The following CDK6 variants were observed in gnomAD, a reference collection of about 807,000 sequenced individuals.
The protein encoded by CDK6 is cyclin dependent kinase 6.
A neutral mutation model predicts 37.1 loss-of-function variants in CDK6; 6 were observed. The observed-to-expected ratio is 0.16, with a 90% CI of 0.09 to 0.32. The LOEUF (loss-of-function observed/expected upper bound fraction) is 0.32. Ranked by LOEUF, CDK6 falls within the 10% of genes least tolerant of loss-of-function variation. The pLI is 1.00. For missense variants in CDK6, 224 were observed against 418.9 expected (o/e 0.53, Z 4.06); for synonymous variants, 160 against 161.3 (o/e 0.99, Z 0.06).
chr7:92,773,701 T>A (rs1799775524), intron 3 of CDK6, among the ~76,000 whole-genome samples: 1 of 152,076 alleles, frequency 6.6e-6, no homozygotes, highest in Non-Finnish European at 1.5e-5. Context: ...TGGGAAAAAA[T>A]ACAATATTAA....
rs3731382 is a variant in CDK6, at chr7:92,616,333, G to A, written c.835-1047C>T. 2.2e-3 allele frequency among the ~76,000 whole-genome samples: 333 copies of A among 152,142 alleles called. 2 individuals carry two copies. The highest frequency in any genetic ancestry group is 7.2e-3 in the African/African-American group (299 of 41,504). ...TTAGGGACCTCTCTAATATTCTATCGAAGGCTACTGACCTAGAAAAACAAA... is the reference window on the plus strand; with the variant it reads ...TTAGGGACCTCTCTAATATTCTATCAAAGGCTACTGACCTAGAAAAACAAA... On this transcript the variant is annotated intron_variant, in intron 7 of 7. Transcript: ENST00000424848.
intron 5 of CDK6, among the ~76,000 whole-genome samples, chr7:92,644,719 G>T (rs1796401356): frequency 6.6e-6 from 1 of 152,166 alleles, no homozygotes; most frequent in African/African-American, 2.4e-5. Flanking sequence ...ATTGGAGCAG[G>T]TATTCCACTG....
At chr7:92,706,873 G>A (rs1317109668) in intron 4 of CDK6, among the ~76,000 whole-genome samples, 1 of 152,210 alleles carries the variant, frequency 6.6e-6, no homozygotes, top group East Asian at 1.9e-4. Flanking sequence ...ATAGATACGT[G>A]TGTAGCCTTG....
rs1324118138 is a variant in CDK6 at position 92,607,131 on chromosome 7, C to T, written c.*8009G>A. ...CGTTCTGGAAGCCTCAAGGCACAAGCTGACAGTTCTGCTTCTACAGAAAAA... is the reference window on the plus strand; with the variant it reads ...CGTTCTGGAAGCCTCAAGGCACAAGTTGACAGTTCTGCTTCTACAGAAAAA... On this transcript the variant is annotated 3_prime_UTR_variant, in exon 8 of 8. Transcript: ENST00000424848. 4.3e-6 allele frequency: 1 copy of T among 233,554 alleles called. No individual in the cohort carries two copies. Among genetic ancestry groups the T allele is most frequent in the African/African-American group, 2.2e-5 (1 of 45,340 alleles). 14.5% of individuals were successfully genotyped at this position (233,554 alleles called of 1,614,324 possible).
intron 5 of CDK6, among the ~76,000 whole-genome samples, chr7:92,632,731 G>A (rs1341823418): frequency 6.6e-6 from 1 of 151,836 alleles, no homozygotes; most frequent in Non-Finnish European, 1.5e-5. Context: ...AACATCTCAT[G>A]TACCCCATAT....
intron 3 of CDK6, among the ~76,000 whole-genome samples, chr7:92,745,450 ACT>A (rs1253788052): frequency 1.3e-5 from 2 of 152,080 alleles, no homozygotes; most frequent in Non-Finnish European, 2.9e-5. Context: ...CCATTGAGTA[ACT>A]CTGCAAGTTT....
chr7:92,622,805 A>G (rs560322413), intron 6 of CDK6, among the ~76,000 whole-genome samples: 1 of 151,926 alleles, frequency 6.6e-6, no homozygotes, highest in South Asian at 2.1e-4. Context: ...AGGAGCAGCA[A>G]AAAGATCCAC....
At chr7:92,817,827 G>C (rs1310525580) in intron 2 of CDK6, among the ~76,000 whole-genome samples, 2 of 151,776 alleles carry the variant, frequency 1.3e-5, no homozygotes, top group Non-Finnish European at 2.9e-5. Flanking sequence ...ATACAAAAAA[G>C]ACTATAGCTC....
At chr7:92,678,398 A>T (rs910099360) in intron 4 of CDK6, among the ~76,000 whole-genome samples, 7 of 151,780 alleles carry the variant, frequency 4.6e-5, no homozygotes, top group African/African-American at 1.5e-4. Flanking sequence ...CAGCCTCTAG[A>T]GGTGCTGAAT....
At chr7:92,647,871 T>C (rs911682866) in intron 5 of CDK6, among the ~76,000 whole-genome samples, 1 of 152,232 alleles carries the variant, frequency 6.6e-6, no homozygotes. Context: ...TTTGTATTTC[T>C]GCACATCTTG....
At chr7:92,672,186 C>CACAA (rs1797096781) in intron 4 of CDK6, among the ~76,000 whole-genome samples, 5 of 98,234 alleles carry the variant, frequency 5.1e-5, no homozygotes, top group East Asian at 3.1e-4. Flanking sequence ...CACACACAGA[C>CACAA]ACATACACAC....
At chr7:92,786,155 C>T (rs1800126116) in intron 2 of CDK6, among the ~76,000 whole-genome samples, 1 of 152,174 alleles carries the variant, frequency 6.6e-6, no homozygotes, top group Non-Finnish European at 1.5e-5. Flanking sequence ...GCCCTGTTCT[C>T]CAGCTTTGGG....
intron 4 of CDK6, among the ~76,000 whole-genome samples, chr7:92,706,773 T>C (rs1296742186): frequency 6.6e-6 from 1 of 152,220 alleles, no homozygotes; most frequent in East Asian, 1.9e-4. Context: ...ATACAGTCCA[T>C]TCACAATAAC....
chr7:92,803,779 G>A lies in CDK6; in HGVS notation c.234-28948C>T, dbSNP rs531845623. Among the ~76,000 whole-genome samples, 34 of 152,268 alleles carry A rather than the reference G, an allele frequency of 2.2e-4. 1 individual carries two copies. Among genetic ancestry groups the A allele is most frequent in the South Asian group, 4.1e-4 (2 of 4,824 alleles). On this transcript the variant is annotated intron_variant, in intron 2 of 7. Transcript: ENST00000424848. ...TACAGGTTTATATTGATTGACTCCCGGGACAGTATGAAAAGGGGGAAAAAA... is the reference window on the plus strand; with the variant it reads ...TACAGGTTTATATTGATTGACTCCCAGGACAGTATGAAAAGGGGGAAAAAA...
chr7:92,655,335 A>G lies in CDK6; in HGVS notation c.647+16091T>C, dbSNP rs1796671055. On this transcript the variant is annotated intron_variant, in intron 5 of 7. Transcript: ENST00000424848. Reference sequence around the variant, plus strand: ...GAGGGTTTACAGAGGTAAATGCAAAAATAAGCTGTTAATATGCAATCTGTA... The same window carrying G: ...GAGGGTTTACAGAGGTAAATGCAAAGATAAGCTGTTAATATGCAATCTGTA... Among the ~76,000 whole-genome samples, 2 of 152,202 alleles carry G rather than the reference A, an allele frequency of 1.3e-5. 1 individual carries two copies. Among genetic ancestry groups the G allele is most frequent in the South Asian group, 4.1e-4 (2 of 4,834 alleles).
intron 5 of CDK6, among the ~76,000 whole-genome samples, chr7:92,646,785 T>C (rs1796461971): frequency 1.3e-5 from 2 of 152,148 alleles, no homozygotes; most frequent in African/African-American, 4.8e-5. Context: ...TTCATTTCCT[T>C]ATTATGCAAC....
At chr7:92,709,461 C>T (rs922647873) in intron 4 of CDK6, among the ~76,000 whole-genome samples, 1 of 151,968 alleles carries the variant, frequency 6.6e-6, no homozygotes, top group Non-Finnish European at 1.5e-5. Flanking sequence ...TCTAACAATG[C>T]TTGTCTCCTA....
chr7:92,789,476 T>G lies in CDK6; in HGVS notation c.234-14645A>C, dbSNP rs1800228302. Among the ~76,000 whole-genome samples the G allele has an allele frequency of 2.6e-5, 4 of 152,192 alleles. No homozygotes were observed. The South Asian group carries it at 8.3e-4, about 32-fold the overall frequency. On this transcript the variant is annotated intron_variant, in intron 2 of 7. Transcript: ENST00000424848. ...AGTCTACGTTAATGGCCACACAACG[T>G]ATGAACATGTAATTTGTGACAATAA...
At position 92,605,924 on chromosome 7, in the gene CDK6, T is replaced by G. The variant is rs1795417529; in HGVS notation, c.*9216A>C. On this transcript the variant is annotated 3_prime_UTR_variant, in exon 8 of 8. Transcript: ENST00000424848. ...AAGCAACATCTGATACAAAGTCACC[T>G]GCCAACATTCTTATAAGACTGTGTC... 1 of 233,608 alleles carries G rather than the reference T, an allele frequency of 4.3e-6. No homozygotes were observed. The highest frequency in any genetic ancestry group is 2.2e-5 in the African/African-American group (1 of 45,360). The allele number at this position is 233,608 out of a possible 1,614,324, so 14.5% of individuals were successfully genotyped here. A position where few individuals can be genotyped will look rare whatever the true frequency, so the allele number is the denominator to read the frequency against.
Sources: allele counts gnomAD v4.1 joint callset (sites outside exome capture counted in the v4.1 genomes callset), GRCh38; gene constraint gnomAD v4.1.1; transcripts MANE v1.5; gene names NCBI Gene and HGNC (gene_info 2026-07-23, HGNC 2026-07-21).